Variants in ZSWIM5 observed in about 807,000 individuals in gnomAD.
The protein encoded by ZSWIM5 is zinc finger SWIM domain-containing protein 5.
A neutral mutation model predicts 119.6 loss-of-function variants in ZSWIM5; 55 were observed. The observed-to-expected ratio is 0.46, with a 90% confidence interval of 0.37 to 0.58. The LOEUF (loss-of-function observed/expected upper bound fraction) is 0.58, where lower values mean the gene tolerates loss of function less well. Ranked by LOEUF, ZSWIM5 falls within the 20% of genes least tolerant of loss-of-function variation. The probability of loss-of-function intolerance (pLI) is 0.00; values close to 1 mark genes in which losing one functional copy is unlikely to be tolerated. For missense variants in ZSWIM5, 1,193 were observed against 1,512.8 expected, an observed-to-expected ratio of 0.79 and a Z score of 3.51; for synonymous variants, 537 against 606.9, an observed-to-expected ratio of 0.88 and a Z score of 1.69.
At chr1:45,131,494 T>C (rs1393664619) in intron 1 of ZSWIM5, among the ~76,000 whole-genome samples, 4 of 151,804 alleles carry the variant, frequency 2.6e-5, no homozygotes, top group African/African-American at 4.8e-5. Flanking sequence ...GAGGCTGAGG[T>C]GGGTGGACCA....
intron 1 of ZSWIM5, among the ~76,000 whole-genome samples, chr1:45,125,765 CAAAA>C (rs77954473): frequency 8.9e-6 from 1 of 111,926 alleles, no homozygotes; most frequent in Non-Finnish European, 1.9e-5. Context: ...CTCCGTTTCA[CAAAA>C]AAAAAAAAAA....
In ZSWIM5 at chr1:45,018,680, A is replaced by G. The variant is rs771826772; in HGVS notation, c.3332T>C (p.Leu1111Ser). 1.9e-6 allele frequency: 3 copies of G among 1,614,234 alleles called. No homozygotes were observed. The South Asian group carries it at 3.3e-5, about 18-fold the overall frequency. Residue 1111 changes from leucine (L) to serine (S), a missense_variant, in exon 14 of 14, where the codon TTG becomes TCG. Coordinates refer to ENST00000359600, the MANE Select transcript of ZSWIM5 (RefSeq NM_020883.2). This position sits in a 1 kb window ranked among gnomAD's most constrained non-coding sequence, Gnocchi z 6.7. ...MSTDKAPLRQ[L>S]LDATINAYIN... ...ATAGGCATTGATGGTGGCATCCAGCAACTGGCGCAATGGAGCTTTGTCAGT... is the reference window on the plus strand; with the variant it reads ...ATAGGCATTGATGGTGGCATCCAGCGACTGGCGCAATGGAGCTTTGTCAGT...
chr1:45,170,191 A>G (rs1445240290), intron 1 of ZSWIM5, among the ~76,000 whole-genome samples: 1 of 152,084 alleles, frequency 6.6e-6, no homozygotes, highest in African/African-American at 2.4e-5. Flanking sequence ...GAATTTTTAT[A>G]TATTGTTTGA....
chr1:45,080,143 A>T (rs1376719571), intron 2 of ZSWIM5, among the ~76,000 whole-genome samples: 1 of 152,150 alleles, frequency 6.6e-6, no homozygotes, highest in African/African-American at 2.4e-5. Context: ...GTGTCTCAGT[A>T]GGTCACATGT....
intron 1 of ZSWIM5, among the ~76,000 whole-genome samples, chr1:45,193,912 G>C (rs542621770): frequency 6.6e-6 from 1 of 150,772 alleles, no homozygotes; most frequent in East Asian, 1.9e-4. Context: ...GTGATAGTAC[G>C]TATGTGTACA....
rs71500081 is a variant in ZSWIM5, at chr1:45,044,836, A to C, written c.1433-1441T>G. 2.5e-4 allele frequency among the ~76,000 whole-genome samples: 3 copies of C among 11,860 alleles called. 1 individual carries two copies. The highest frequency in any genetic ancestry group is 2.7e-4 in the Non-Finnish European group (2 of 7,516). 7.8% of individuals were successfully genotyped at this position (11,860 alleles called of 152,430 possible). ...ATATATATATAAATATATATATATA[A>C]ATATATATATATAGATTAGCCGGGC... On this transcript the variant is annotated intron_variant, in intron 5 of 13. Transcript: ENST00000359600.
intron 1 of ZSWIM5, among the ~76,000 whole-genome samples, chr1:45,100,968 A>G (rs1325913524): frequency 6.6e-6 from 1 of 152,204 alleles, no homozygotes; most frequent in Admixed American, 6.5e-5. Context: ...CCTAGGCAAT[A>G]CCATTCAGGA....
At chr1:45,137,555 TAAAAACTCAGC>T (rs1037659253) in intron 1 of ZSWIM5, among the ~76,000 whole-genome samples, 3 of 152,110 alleles carry the variant, frequency 2.0e-5, no homozygotes, top group Admixed American at 2.0e-4. Flanking sequence ...CACAAGAAGG[TAAAAACTCAGC>T]AAAAACTTGA....
At chr1:45,142,489 C>T (rs1326829695) in intron 1 of ZSWIM5, among the ~76,000 whole-genome samples, 1 of 152,016 alleles carries the variant, frequency 6.6e-6, no homozygotes, top group Non-Finnish European at 1.5e-5. Flanking sequence ...GTAGCTTGGA[C>T]CACAGGTACA....
intron 5 of ZSWIM5, among the ~76,000 whole-genome samples, chr1:45,050,565 TG>T (rs1383038804): frequency 3.9e-5 from 6 of 152,288 alleles, no homozygotes; most frequent in Non-Finnish European, 7.4e-5. Context: ...ATCACTGTAC[TG>T]GATGTGTCTT....
intron 1 of ZSWIM5, among the ~76,000 whole-genome samples, chr1:45,121,586 C>CTT (rs148242358): frequency 1.4e-5 from 2 of 146,528 alleles, no homozygotes; most frequent in African/African-American, 2.6e-5. Flanking sequence ...AGATAGGAAT[C>CTT]TTTTTTTTTC....
intron 1 of ZSWIM5, among the ~76,000 whole-genome samples, chr1:45,141,456 G>C (rs1250793486): frequency 6.6e-6 from 1 of 152,136 alleles, no homozygotes; most frequent in Non-Finnish European, 1.5e-5. Context: ...AGCCCAAGTA[G>C]AGAACATGTA....
At chr1:45,039,480 G>T (rs1417641897) in intron 7 of ZSWIM5, among the ~76,000 whole-genome samples, 5 of 152,152 alleles carry the variant, frequency 3.3e-5, no homozygotes, top group Non-Finnish European at 7.4e-5. Context: ...CCGCCTCCTG[G>T]GTTCAAACAA....
chr1:45,034,305 T>G lies in ZSWIM5; in HGVS notation c.2449+7A>C. Reference sequence around the variant, plus strand: ...GATGCTGGAGCTTAAGGTCTATCTATGCTCACCTTTGGCAGCAGTCAGCAT... The same window carrying G: ...GATGCTGGAGCTTAAGGTCTATCTAGGCTCACCTTTGGCAGCAGTCAGCAT... On this transcript the variant is annotated splice_region_variant and intron_variant, in intron 11 of 13. Transcript: ENST00000359600. 6.3e-7 allele frequency: 1 copy of G among 1,597,318 alleles called. No individual in the cohort carries two copies. Among genetic ancestry groups the G allele is most frequent in the African/African-American group, 1.3e-5 (1 of 74,638 alleles).
chr1:45,122,369 T>C (rs892741629), intron 1 of ZSWIM5, among the ~76,000 whole-genome samples: 5 of 152,234 alleles, frequency 3.3e-5, no homozygotes, highest in Non-Finnish European at 5.9e-5. Context: ...GCTAAACATA[T>C]AGTAAACACT....
intron 1 of ZSWIM5, among the ~76,000 whole-genome samples, chr1:45,146,870 T>G (rs1645764916): frequency 6.6e-6 from 1 of 152,156 alleles, no homozygotes. Context: ...CACTCCTGAC[T>G]CACCACATGA....
intron 1 of ZSWIM5, among the ~76,000 whole-genome samples, chr1:45,151,127 A>G (rs1035544694): frequency 2.6e-5 from 4 of 152,166 alleles, no homozygotes; most frequent in African/African-American, 7.2e-5. Context: ...AATGAGACAA[A>G]TTCTCCATAT....
intron 11 of ZSWIM5, among the ~76,000 whole-genome samples, chr1:45,030,596 G>A (rs762511609): frequency 7.2e-5 from 11 of 152,010 alleles, no homozygotes; most frequent in Non-Finnish European, 1.3e-4. Flanking sequence ...GTTTTTGAAG[G>A]AGTTAGTCCA....
At chr1:45,202,930 T>G (rs979881429) in intron 1 of ZSWIM5, among the ~76,000 whole-genome samples, 5 of 152,030 alleles carry the variant, frequency 3.3e-5, no homozygotes, top group Admixed American at 1.3e-4. Context: ...AAGTTTATAC[T>G]ACTACTATAT....
Sources: gnomAD v4.1 joint callset for allele counts (sites outside exome capture counted in the v4.1 genomes callset) on GRCh38, gnomAD v4.1.1 for gene constraint, Gnocchi (gnomAD v3.1) non-coding constraint, MANE v1.5 for transcripts, NCBI Gene and HGNC (gene_info 2026-07-23, HGNC 2026-07-21) for gene names.